FAM117B: variants seen among roughly 807,000 people sequenced by gnomAD.
The protein encoded by FAM117B is protein FAM117B.
In FAM117B, 22 loss-of-function variants were observed where a neutral mutation model predicts 52.8. That is an observed-to-expected ratio of 0.42 (90% confidence interval 0.30 to 0.59). The LOEUF (loss-of-function observed/expected upper bound fraction) is 0.59, where lower values mean the gene tolerates loss of function less well. FAM117B is among the 20% of genes least tolerant of loss of function. The pLI is 0.22. For synonymous variants in FAM117B, 309 were observed against 324.1 expected, an observed-to-expected ratio of 0.95 and a Z score of 0.50; for missense variants, 678 against 802.6, an observed-to-expected ratio of 0.84 and a Z score of 1.88.
rs565553729 is a variant in FAM117B at position 202,691,421 on chromosome 2, C to CA, written c.602-4454dup. Among the ~76,000 whole-genome samples the CA allele has an allele frequency of 3.4e-3, 513 of 151,534 alleles. 1 individual carries two copies. Among genetic ancestry groups the CA allele is most frequent in the Non-Finnish European group, 5.4e-3 (367 of 67,890 alleles). On this transcript the variant is annotated intron_variant, in intron 1 of 7. Coordinates refer to ENST00000392238, the MANE Select transcript of FAM117B (RefSeq NM_173511.4). ...GTGATGGAGCGAGATTCTTTCCCCC[C>CA]AAAAAAGAAATAATAATAATCCAAT... is the stretch of plus-strand genomic sequence containing the variant.
rs185849762 is a variant in FAM117B, at chr2:202,767,564, C to T, written c.*1800C>T. The T allele has an allele frequency of 3.6e-3, 545 of 152,138 alleles. 6 individuals are homozygous for T. Among genetic ancestry groups the T allele is most frequent in the African/African-American group, 0.013 (523 of 41,494 alleles). The allele number at this position is 152,138 out of a possible 1,614,324, so 9.4% of individuals were successfully genotyped here. A position where few individuals can be genotyped will look rare whatever the true frequency, so the allele number is the denominator to read the frequency against. On this transcript the variant is annotated 3_prime_UTR_variant, in exon 8 of 8. Coordinates refer to ENST00000392238, the MANE Select transcript of FAM117B (RefSeq NM_173511.4). ...CTTTATGATGCAATAATTTACTGTTCCTATACATATTATAAGGTAGAAAAA... is the reference window on the plus strand; with the variant it reads ...CTTTATGATGCAATAATTTACTGTTTCTATACATATTATAAGGTAGAAAAA...
At position 202,644,717 on chromosome 2, in the gene FAM117B, G is replaced by C. The variant is rs147291871; in HGVS notation, c.601+8929G>C. ...TTTGACTGGGTATAGAATTAGAATTGTAGGTTGGAAATAATTTTTCCACTG... is the reference window on the plus strand; with the variant it reads ...TTTGACTGGGTATAGAATTAGAATTCTAGGTTGGAAATAATTTTTCCACTG... On this transcript the variant is annotated intron_variant, in intron 1 of 7. Transcript: ENST00000392238. Among the ~76,000 whole-genome samples, 597 of 152,348 alleles carry C rather than the reference G, an allele frequency of 3.9e-3. 3 individuals are homozygous for C. The highest frequency in any genetic ancestry group is 6.9e-3 in the Non-Finnish European group (468 of 68,036).
At chr2:202,746,378 TAAAGG>T (rs1691633604) in intron 4 of FAM117B, among the ~76,000 whole-genome samples, 1 of 151,676 alleles carries the variant, frequency 6.6e-6, no homozygotes, top group Non-Finnish European at 1.5e-5. Flanking sequence ...AATGAAGAAA[TAAAGG>T]AAATAAAAAA....
intron 2 of FAM117B, among the ~76,000 whole-genome samples, chr2:202,701,010 T>C (rs955207411): frequency 1.1e-4 from 16 of 152,198 alleles, no homozygotes; most frequent in African/African-American, 3.9e-4. Flanking sequence ...AGATTTTTAA[T>C]GACAAAACAG....
At chr2:202,674,931 A>G (rs1389219327) in intron 1 of FAM117B, among the ~76,000 whole-genome samples, 1 of 151,914 alleles carries the variant, frequency 6.6e-6, no homozygotes, top group Non-Finnish European at 1.5e-5. Context: ...ATCACTTTCA[A>G]CTTCTCATTT....
intron 2 of FAM117B, among the ~76,000 whole-genome samples, chr2:202,698,142 G>A (rs1383069185): frequency 1.3e-5 from 2 of 152,206 alleles, no homozygotes; most frequent in Admixed American, 1.3e-4. Flanking sequence ...TGGGATTATA[G>A]GCGTGAGCCA....
intron 1 of FAM117B, among the ~76,000 whole-genome samples, chr2:202,676,851 C>T (rs1690386126): frequency 6.6e-6 from 1 of 152,084 alleles, no homozygotes; most frequent in African/African-American, 2.4e-5. Context: ...CAGAAATTCC[C>T]TTGAACAGAC....
At chr2:202,645,735 C>G (rs1232646549) in intron 1 of FAM117B, among the ~76,000 whole-genome samples, 1 of 152,036 alleles carries the variant, frequency 6.6e-6, no homozygotes, top group South Asian at 2.1e-4. Context: ...TCCCGAGTAG[C>G]TGGGACTGTA....
rs868180885 is a variant in FAM117B, at chr2:202,748,047, C to G, written c.961-7491C>G. Among the ~76,000 whole-genome samples the G allele has an allele frequency of 3.9e-5, 6 of 152,142 alleles. No individual in the cohort carries two copies. In the South Asian group the frequency reaches 1.2e-3, roughly 32 times the overall value. Reference sequence around the variant, plus strand: ...GAACAAAGCTAGAGGCATCATACTACCTGACTTCAAAATATATTACACAAA... The same window carrying G: ...GAACAAAGCTAGAGGCATCATACTAGCTGACTTCAAAATATATTACACAAA... On this transcript the variant is annotated intron_variant, in intron 4 of 7. Coordinates refer to ENST00000392238, the MANE Select transcript of FAM117B (RefSeq NM_173511.4).
At chr2:202,639,758 C>T (rs1689738329) in intron 1 of FAM117B, among the ~76,000 whole-genome samples, 1 of 152,258 alleles carries the variant, frequency 6.6e-6, no homozygotes, top group African/African-American at 2.4e-5. Flanking sequence ...TGAAAAACAG[C>T]ACAGTACCTC....
chr2:202,765,121 C>T (rs72930794), intron 7 of FAM117B, among the ~76,000 whole-genome samples: 73,008 of 151,910 alleles, frequency 0.48, 18,388 homozygotes, highest in Middle Eastern at 0.62. Context: ...TCATTATTCC[C>T]TTGACCGTCT....
intron 1 of FAM117B, among the ~76,000 whole-genome samples, chr2:202,667,077 A>G (rs1690217001): frequency 6.6e-6 from 1 of 152,100 alleles, no homozygotes; most frequent in Non-Finnish European, 1.5e-5. Flanking sequence ...GACTTGCTCC[A>G]GGCCTCTATT....
chr2:202,674,035 C>G (rs1396253909), intron 1 of FAM117B, among the ~76,000 whole-genome samples: 1 of 152,110 alleles, frequency 6.6e-6, no homozygotes, highest in Admixed American at 6.5e-5. Flanking sequence ...ACCCCCCCCA[C>G]CTCTGAAATG....
intron 1 of FAM117B, 133 bp downstream of exon 1, chr2:202,635,921 C>CG (rs1436453646): frequency 1.1e-6 from 1 of 930,784 alleles, no homozygotes; most frequent in Non-Finnish European, 1.3e-6. Flanking sequence ...GGGGCGGTGC[C>CG]GGGCGGTGGG....
intron 3 of FAM117B, chr2:202,725,224 T>G (rs533586241): frequency 2.8e-6 from 1 of 360,214 alleles, no homozygotes; most frequent in African/African-American, 2.1e-5. Context: ...TGTTTGTCTT[T>G]TTTTAGGAGA....
chr2:202,635,433 C>CGGT lies in FAM117B; in HGVS notation c.249_251dup (p.Gly84dup), dbSNP rs1689664435. The stretch of plus-strand genomic sequence containing the variant: ...CAGGCCCCGCAGGCGGCGGCGGCGG[C>CGGT]GGTGGCCCGCGCACCGCCTCGCGCA... On this transcript the variant is annotated inframe_insertion, in exon 1 of 8. Transcript: ENST00000392238. 3.3e-6 allele frequency: 4 copies of CGGT among 1,205,248 alleles called. No individual in the cohort carries two copies. Among genetic ancestry groups the CGGT allele is most frequent in the African/African-American group, 1.6e-5 (1 of 62,164 alleles). The allele number at this position is 1,205,248 out of a possible 1,614,324, so 74.7% of individuals were successfully genotyped here.
intron 4 of FAM117B, among the ~76,000 whole-genome samples, chr2:202,733,385 A>G (rs1691388357): frequency 6.6e-6 from 1 of 152,146 alleles, no homozygotes. Flanking sequence ...TCTGACCTCA[A>G]ATTTACCAGG....
chr2:202,758,240 T>G (rs763065156), intron 6 of FAM117B, among the ~76,000 whole-genome samples: 1 of 152,176 alleles, frequency 6.6e-6, no homozygotes, highest in Admixed American at 6.5e-5. Context: ...ACATTAAAAC[T>G]GTGACAAGCG....
intron 4 of FAM117B, among the ~76,000 whole-genome samples, chr2:202,728,451 G>A (rs1414203503): frequency 3.9e-5 from 6 of 152,148 alleles, no homozygotes; most frequent in Admixed American, 3.3e-4. Context: ...TGAAAAATTT[G>A]TAAAGACTAA....
Sources: gnomAD v4.1 joint callset for allele counts (sites outside exome capture counted in the v4.1 genomes callset) on GRCh38, gnomAD v4.1.1 for gene constraint, MANE v1.5 for transcripts, NCBI Gene and HGNC (gene_info 2026-07-23, HGNC 2026-07-21) for gene names.